The following BRAF variants were observed in gnomAD, a reference collection of about 807,000 sequenced individuals.
BRAF encodes serine/threonine-protein kinase B-raf.
In BRAF, 16 loss-of-function variants were observed where a neutral mutation model predicts 104.6. The ratio of observed to expected loss-of-function variants is 0.15; its 90% confidence interval spans 0.10 to 0.23. The LOEUF (loss-of-function observed/expected upper bound fraction) is 0.23. Ranked by LOEUF, BRAF falls within the 10% of genes least tolerant of loss-of-function variation. The probability of loss-of-function intolerance (pLI) is 1.00; values close to 1 mark genes in which losing one functional copy is unlikely to be tolerated. For missense variants in BRAF, 541 were observed against 937.3 expected (o/e 0.58, Z 5.52); for synonymous variants, 310 against 341.6 (o/e 0.91, Z 1.02).
intron 1 of BRAF, among the ~76,000 whole-genome samples, chr7:140,874,867 G>A (rs1386331619): frequency 6.6e-6 from 1 of 152,124 alleles, no homozygotes; most frequent in Non-Finnish European, 1.5e-5. Flanking sequence ...ATCCCCCTTA[G>A]TGCTGTCATT....
chr7:140,905,669 C>T (rs1816221485), intron 1 of BRAF, among the ~76,000 whole-genome samples: 1 of 151,994 alleles, frequency 6.6e-6, no homozygotes, highest in African/African-American at 2.4e-5. Flanking sequence ...CATCTTTGTG[C>T]TACTTGTCCT....
intron 17 of BRAF, among the ~76,000 whole-genome samples, chr7:140,746,831 G>GAAA (rs564277671): frequency 3.4e-5 from 4 of 119,230 alleles, no homozygotes; most frequent in Non-Finnish European, 7.0e-5. Context: ...CTCCGTCTTG[G>GAAA]AAAAAAAAAA....
chr7:140,850,743 A>G (rs1809074421), intron 1 of BRAF, among the ~76,000 whole-genome samples: 1 of 152,154 alleles, frequency 6.6e-6, no homozygotes, highest in Non-Finnish European at 1.5e-5. Context: ...TGCACTGCTT[A>G]TTTCAACAGT....
At chr7:140,884,918 T>A (rs903385586) in intron 1 of BRAF, among the ~76,000 whole-genome samples, 2 of 152,058 alleles carry the variant, frequency 1.3e-5, no homozygotes, top group Non-Finnish European at 2.9e-5. Context: ...ATGAAAAAAA[T>A]AACCACATTT....
At chr7:140,890,001 G>A (rs992518608) in intron 1 of BRAF, among the ~76,000 whole-genome samples, 1 of 151,638 alleles carries the variant, frequency 6.6e-6, no homozygotes, top group East Asian at 1.9e-4. Context: ...CTAACTCTTA[G>A]GGTTGTGGTG....
At chr7:140,746,207 T>G (rs34331346) in intron 17 of BRAF, among the ~76,000 whole-genome samples, 2,303 of 152,318 alleles carry the variant, frequency 0.015, 27 homozygotes, top group Middle Eastern at 0.034. Context: ...TGCTATCTAT[T>G]CTTCAAAGAA....
intron 1 of BRAF, among the ~76,000 whole-genome samples, chr7:140,864,216 A>G (rs993744851): frequency 8.5e-5 from 13 of 152,194 alleles, no homozygotes; most frequent in Admixed American, 8.5e-4. Context: ...AGGGAGGAAG[A>G]CTAGTTGAAA....
chr7:140,871,204 T>C (rs1384838070), intron 1 of BRAF, among the ~76,000 whole-genome samples: 1 of 123,316 alleles, frequency 8.1e-6, no homozygotes, highest in Admixed American at 1.0e-4. Context: ...ATCGCGCCAC[T>C]ACTCCAGCCT....
intron 17 of BRAF, among the ~76,000 whole-genome samples, chr7:140,746,818 AG>A (rs1300292947): frequency 6.6e-6 from 1 of 151,358 alleles, no homozygotes; most frequent in African/African-American, 2.4e-5. Flanking sequence ...CGACACAGCA[AG>A]ACTCCGTCTT....
rs1159341799 is a variant in BRAF, at chr7:140,724,762, C to G, written c.*1732G>C. ...ATTCTGGGTCTTGTTTAATTTCTTTCAAGTCCTTGGCTATAGCTTGGTTGG... is the reference window on the plus strand; with the variant it reads ...ATTCTGGGTCTTGTTTAATTTCTTTGAAGTCCTTGGCTATAGCTTGGTTGG... On this transcript the variant is annotated 3_prime_UTR_variant, in exon 20 of 20. Transcript: ENST00000644969. The G allele has an allele frequency of 1.9e-6, 2 of 1,034,408 alleles. No homozygotes were observed. The highest frequency in any genetic ancestry group is 3.4e-5 in the African/African-American group (2 of 59,376). The allele number at this position is 1,034,408 out of a possible 1,614,324, so 64.1% of individuals were successfully genotyped here.
At chr7:140,823,797 T>C (rs1805725026) in intron 3 of BRAF, 1 of 152,348 alleles carries the variant, frequency 6.6e-6, no homozygotes, top group South Asian at 2.1e-4. Context: ...AGGGGTCCAA[T>C]TTCTCCACAC....
At chr7:140,791,454 A>T (rs574444794) in intron 8 of BRAF, among the ~76,000 whole-genome samples, 1 of 152,260 alleles carries the variant, frequency 6.6e-6, no homozygotes, top group South Asian at 2.1e-4. Context: ...AGGAAGAGCC[A>T]GCCCATAAAG....
chr7:140,823,060 G>A (rs1805650678), intron 3 of BRAF, among the ~76,000 whole-genome samples: 1 of 152,168 alleles, frequency 6.6e-6, no homozygotes, highest in Non-Finnish European at 1.5e-5. Flanking sequence ...CTGGTCTCAA[G>A]TGATTCTCTC....
intron 1 of BRAF, among the ~76,000 whole-genome samples, chr7:140,923,875 T>C (rs914363241): frequency 3.3e-5 from 5 of 151,936 alleles, no homozygotes; most frequent in African/African-American, 1.2e-4. Flanking sequence ...GGGCGGTAGA[T>C]GGGAATAGAA....
At chr7:140,776,051 A>T (rs1195144368) in intron 14 of BRAF, among the ~76,000 whole-genome samples, 5 of 152,212 alleles carry the variant, frequency 3.3e-5, no homozygotes, top group Non-Finnish European at 5.9e-5. Context: ...TGAGTTAAAC[A>T]CCTTTGGTGC....
At chr7:140,881,213 C>G (rs1367690348) in intron 1 of BRAF, among the ~76,000 whole-genome samples, 1 of 152,142 alleles carries the variant, frequency 6.6e-6, no homozygotes, top group African/African-American at 2.4e-5. Flanking sequence ...TTGCAGAATT[C>G]CAAAGGGCCC....
At position 140,734,530 on chromosome 7, in the gene BRAF, T is replaced by C. The variant is rs373128505; in HGVS notation, c.2401+87A>G. 9 of 1,611,446 alleles carry C rather than the reference T, an allele frequency of 5.6e-6. No individual in the cohort carries two copies. The South Asian group carries it at 8.8e-5, about 16-fold the overall frequency. On this transcript the variant is annotated intron_variant, in intron 19 of 19. Transcript: ENST00000644969. ...AGAGTATTTTATTCAATTTAACATA[T>C]AAGCAAACATATGTTCATTTATTTT...
intron 1 of BRAF, among the ~76,000 whole-genome samples, chr7:140,918,149 C>T (rs537722688): frequency 1.3e-5 from 2 of 152,140 alleles, no homozygotes; most frequent in Non-Finnish European, 2.9e-5. Context: ...GCCATAAAAC[C>T]CTTTTTTCAA....
At chr7:140,750,833 C>A (rs773995295) in intron 16 of BRAF, among the ~76,000 whole-genome samples, 2 of 151,814 alleles carry the variant, frequency 1.3e-5, no homozygotes, top group Non-Finnish European at 2.9e-5. Flanking sequence ...TGTTGGTAGA[C>A]AGTTTGATGA....
Sources: allele counts gnomAD v4.1 joint callset (sites outside exome capture counted in the v4.1 genomes callset), GRCh38; gene constraint gnomAD v4.1.1; transcripts MANE v1.5; gene names NCBI Gene and HGNC (gene_info 2026-07-23, HGNC 2026-07-21).